The following ADGRL2 variants were observed in gnomAD, a reference collection of about 807,000 sequenced individuals.
The protein encoded by ADGRL2 is calcium-independent alpha-latrotoxin receptor 2.
A neutral mutation model predicts 157.4 loss-of-function variants in ADGRL2; 44 were observed. That is an observed-to-expected ratio of 0.28 (90% CI 0.22 to 0.36). The LOEUF is 0.36. Ranked by LOEUF, ADGRL2 falls within the 10% of genes least tolerant of loss-of-function variation. ADGRL2 has a pLI of 1.00. For synonymous variants in ADGRL2, 585 were observed against 624.7 expected (o/e 0.94, Z 0.95); for missense variants, 1,510 against 1,768.9 (o/e 0.85, Z 2.63).
At chr1:81,760,954 T>C (rs2085861610) in intron 1 of ADGRL2, among the ~76,000 whole-genome samples, 1 of 151,876 alleles carries the variant, frequency 6.6e-6, no homozygotes, top group Non-Finnish European at 1.5e-5. Context: ...TCCTGAATCA[T>C]TACAAAATTT....
At chr1:81,870,084 A>G (rs2093653147) in intron 2 of ADGRL2, among the ~76,000 whole-genome samples, 1 of 152,218 alleles carries the variant, frequency 6.6e-6, no homozygotes, top group East Asian at 1.9e-4. Flanking sequence ...AAGTTTGTAC[A>G]TATTAGCGTA....
At chr1:81,308,170 T>G (rs1242175732) in intron 1 of ADGRL2, among the ~76,000 whole-genome samples, 1 of 152,168 alleles carries the variant, frequency 6.6e-6, no homozygotes, top group Non-Finnish European at 1.5e-5. Flanking sequence ...TAATTAGAAT[T>G]TCTTTAAAAT....
intron 3 of ADGRL2, among the ~76,000 whole-genome samples, chr1:81,673,448 G>A (rs566291792): frequency 1.4e-3 from 208 of 149,704 alleles, no homozygotes; most frequent in African/African-American, 4.9e-3. Context: ...GTGTATATTT[G>A]TAGAGTTATC....
chr1:81,516,299 G>A (rs2079176652), intron 2 of ADGRL2, among the ~76,000 whole-genome samples: 1 of 152,102 alleles, frequency 6.6e-6, no homozygotes, highest in Non-Finnish European at 1.5e-5. Context: ...ATCCTTGTCA[G>A]GGCAATTGCG....
At chr1:81,838,638 C>G (rs1224907144) in intron 2 of ADGRL2, among the ~76,000 whole-genome samples, 1 of 152,006 alleles carries the variant, frequency 6.6e-6, no homozygotes, top group Non-Finnish European at 1.5e-5. Flanking sequence ...TGTTTTTATA[C>G]ATTTAAAAAA....
chr1:81,724,910 T>C (rs1378442130), intron 1 of ADGRL2, among the ~76,000 whole-genome samples: 4 of 152,160 alleles, frequency 2.6e-5, no homozygotes, highest in African/African-American at 9.7e-5. Context: ...TTTAAAATCC[T>C]TTAAAAACAC....
intron 2 of ADGRL2, among the ~76,000 whole-genome samples, chr1:81,770,583 C>G (rs1386346061): frequency 6.6e-6 from 1 of 152,146 alleles, no homozygotes; most frequent in East Asian, 1.9e-4. Flanking sequence ...AAGCCATTCT[C>G]CTGCCTCAGG....
At chr1:81,373,031 A>C (rs1413200177) in intron 1 of ADGRL2, among the ~76,000 whole-genome samples, 3 of 152,198 alleles carry the variant, frequency 2.0e-5, no homozygotes, top group South Asian at 2.1e-4. Flanking sequence ...GTGCAGCCCC[A>C]AAATTTTCCC....
chr1:81,813,235 A>G (rs2090053660), intron 1 of ADGRL2, among the ~76,000 whole-genome samples: 1 of 151,360 alleles, frequency 6.6e-6, no homozygotes, highest in Admixed American at 6.6e-5. Context: ...GGTAAAAAAT[A>G]GAAAGGTTAT....
intron 3 of ADGRL2, among the ~76,000 whole-genome samples, chr1:81,642,280 C>T (rs1167063553): frequency 6.8e-6 from 1 of 146,444 alleles, no homozygotes; most frequent in African/African-American, 2.5e-5. Flanking sequence ...ATTAGCCAGG[C>T]ATTGTGGTGC....
chr1:81,855,728 G>A (rs1023109877), intron 2 of ADGRL2, among the ~76,000 whole-genome samples: 11 of 152,110 alleles, frequency 7.2e-5, no homozygotes, highest in African/African-American at 2.4e-4. Flanking sequence ...CAGACACTGA[G>A]GGGGCAAATG....
chr1:81,810,766 C>G (rs1000763895), intron 1 of ADGRL2, among the ~76,000 whole-genome samples: 1 of 151,808 alleles, frequency 6.6e-6, no homozygotes, highest in African/African-American at 2.4e-5. Context: ...AATAATACAT[C>G]TCTCCAATAT....
At chr1:81,446,832 A>C (rs769758565) in intron 2 of ADGRL2, among the ~76,000 whole-genome samples, 2 of 152,200 alleles carry the variant, frequency 1.3e-5, no homozygotes, top group Non-Finnish European at 2.9e-5. Flanking sequence ...TGATATTTTG[A>C]CATAAGTGGA....
At chr1:81,656,554 G>A (rs886069834) in intron 3 of ADGRL2, among the ~76,000 whole-genome samples, 1 of 152,148 alleles carries the variant, frequency 6.6e-6, no homozygotes, top group Non-Finnish European at 1.5e-5. Flanking sequence ...TAGACACGAT[G>A]TGCCAGATGT....
chr1:81,836,333 G>A (rs2092279210), intron 1 of ADGRL2, among the ~76,000 whole-genome samples: 1 of 152,084 alleles, frequency 6.6e-6, no homozygotes, highest in Non-Finnish European at 1.5e-5. Flanking sequence ...CTTTCCCTCA[G>A]AGGCTAAATG....
intron 2 of ADGRL2, among the ~76,000 whole-genome samples, chr1:81,882,484 G>GC (rs1319908479): frequency 6.6e-6 from 1 of 152,144 alleles, no homozygotes; most frequent in African/African-American, 2.4e-5. Context: ...TAATGAAACA[G>GC]TAAATGTGAA....
intron 1 of ADGRL2, among the ~76,000 whole-genome samples, chr1:81,711,756 A>C (rs1444345352): frequency 1.3e-5 from 2 of 152,210 alleles, no homozygotes; most frequent in Admixed American, 1.3e-4. Flanking sequence ...AAAAAGGCAA[A>C]TAATGTCTTA....
intron 2 of ADGRL2, chr1:81,557,633 A>C (rs1262542992): frequency 6.6e-6 from 1 of 152,316 alleles, no homozygotes; most frequent in Non-Finnish European, 1.5e-5. Context: ...ATGTCTTCCT[A>C]ATCAGTGCAG....
intron 3 of ADGRL2, among the ~76,000 whole-genome samples, chr1:81,919,230 A>G (rs1453457032): frequency 6.6e-6 from 1 of 152,162 alleles, no homozygotes; most frequent in Non-Finnish European, 1.5e-5. Context: ...ATAAACTAAA[A>G]CATTTATTTA....
Sources: gnomAD v4.1 joint callset for allele counts (sites outside exome capture counted in the v4.1 genomes callset) on GRCh38, gnomAD v4.1.1 for gene constraint, MANE v1.5 for transcripts, NCBI Gene and HGNC (gene_info 2026-07-23, HGNC 2026-07-21) for gene names.